MYL12B: variants seen among roughly 807,000 people sequenced by gnomAD.
MYL12B encodes myosin light chain 12B.
A neutral mutation model predicts 12.9 loss-of-function variants in MYL12B; 3 were observed. That is an observed-to-expected ratio of 0.23 (90% confidence interval 0.11 to 0.60). The LOEUF (loss-of-function observed/expected upper bound fraction) is 0.60. Ranked by LOEUF, MYL12B falls within the 20% of genes least tolerant of loss-of-function variation. The probability of loss-of-function intolerance (pLI) is 0.89; values close to 1 mark genes in which losing one functional copy is unlikely to be tolerated. For synonymous variants in MYL12B, 57 were observed against 71.9 expected (o/e 0.79, Z 1.05); for missense variants, 120 against 215.4 (o/e 0.56, Z 2.77).
intron 1 of MYL12B, among the ~76,000 whole-genome samples, chr18:3,271,228 G>A (rs1356517975): frequency 6.6e-6 from 1 of 152,086 alleles, no homozygotes; most frequent in African/African-American, 2.4e-5. Flanking sequence ...TTTAACCTTC[G>A]ATATAACTAA....
chr18:3,277,171 T>C, intron 2 of MYL12B, 82 bp from the exon 3 acceptor site: 1 of 1,335,840 alleles, frequency 7.5e-7, no homozygotes. Flanking sequence ...TTTAAAAATA[T>C]GTTGGGGAGC....
intron 1 of MYL12B, among the ~76,000 whole-genome samples, chr18:3,269,609 G>GT (rs143195658): frequency 1.3e-5 from 2 of 152,324 alleles, no homozygotes; most frequent in Admixed American, 6.5e-5. Flanking sequence ...GCATTTGGAT[G>GT]TTTGAGTCCA....
At chr18:3,268,642 G>A (rs892928962) in intron 1 of MYL12B, among the ~76,000 whole-genome samples, 1 of 152,198 alleles carries the variant, frequency 6.6e-6, no homozygotes, top group Non-Finnish European at 1.5e-5. Context: ...TTTGAATTTA[G>A]AGGATTGTAG....
chr18:3,277,243 A>G lies in MYL12B; in HGVS notation c.185-10A>G, dbSNP rs1436104820. Reference sequence around the variant, plus strand: ...TTTGTCTTTAAATGTTAAAATGTGTATTCTTACAGGGAAGAATCCCACTGA... The same window carrying G: ...TTTGTCTTTAAATGTTAAAATGTGTGTTCTTACAGGGAAGAATCCCACTGA... On this transcript the variant is annotated splice_polypyrimidine_tract_variant and intron_variant, in intron 2 of 3. Transcript: ENST00000237500. 1.5e-5 allele frequency: 24 copies of G among 1,556,610 alleles called. No homozygotes were observed. Among genetic ancestry groups the G allele is most frequent in the Non-Finnish European group, 2.0e-5 (23 of 1,150,132 alleles).
chr18:3,272,436 A>G (rs1464132099), intron 1 of MYL12B, among the ~76,000 whole-genome samples: 2 of 152,250 alleles, frequency 1.3e-5, no homozygotes, highest in Non-Finnish European at 2.9e-5. Flanking sequence ...TAAGTACTCC[A>G]TAGATGCTAG....
At chr18:3,272,779 C>T (rs960582362) in intron 1 of MYL12B, 105 bp from the exon 2 acceptor site, 17 of 1,031,458 alleles carry the variant, frequency 1.6e-5, no homozygotes, top group Non-Finnish European at 2.2e-5. Flanking sequence ...GTAATAATTC[C>T]TTATTGATAT....
chr18:3,272,841 A>T, intron 1 of MYL12B, 43 bp from the exon 2 acceptor site: 1 of 1,480,516 alleles, frequency 6.8e-7, no homozygotes, highest in South Asian at 1.5e-5. Flanking sequence ...TTTGTTTTAT[A>T]CATTGTTTTG....
chr18:3,267,834 T>C (rs564722508), intron 1 of MYL12B, among the ~76,000 whole-genome samples: 3 of 152,354 alleles, frequency 2.0e-5, no homozygotes, highest in African/African-American at 7.2e-5. Context: ...CTCCTGCAGA[T>C]ACTAGAATCT....
At position 3,262,214 on chromosome 18, in the gene MYL12B, C is replaced by T. The variant is rs2081596320; in HGVS notation, c.-39C>T. The T allele has an allele frequency of 6.6e-6, 1 of 152,278 alleles. No homozygotes were observed. Among genetic ancestry groups the T allele is most frequent in the Non-Finnish European group, 1.5e-5 (1 of 68,084 alleles). 9.4% of individuals were successfully genotyped at this position (152,278 alleles called of 1,614,324 possible). A position where few individuals can be genotyped will look rare whatever the true frequency, so the allele number is the denominator to read the frequency against. The stretch of plus-strand genomic sequence containing the variant: ...CGTTTGTGGTCTCGCGCAGGGCGGC[C>T]CCGGTTCTGGTGTTTGGCGTCGGGT... On this transcript the variant is annotated 5_prime_UTR_variant, in exon 1 of 4. Transcript: ENST00000237500.
rs564101093 is a variant in MYL12B at position 3,276,765 on chromosome 18, G to A, written c.185-488G>A. 1.5e-3 allele frequency among the ~76,000 whole-genome samples: 232 copies of A among 152,010 alleles called. 3 individuals are homozygous for A. In the South Asian group the frequency reaches 0.032, roughly 21 times the overall value. On this transcript the variant is annotated intron_variant, in intron 2 of 3. Coordinates refer to ENST00000237500, the MANE Select transcript of MYL12B (RefSeq NM_033546.4). ...AACATTCAGGATGTAGGCCGGGCGCGGTGATGCACGCCTGCAATCCCATCA... is the reference window on the plus strand; with the variant it reads ...AACATTCAGGATGTAGGCCGGGCGCAGTGATGCACGCCTGCAATCCCATCA...
At position 3,276,919 on chromosome 18, in the gene MYL12B, CAAAAAA is replaced by C. The variant is rs10706387; in HGVS notation, c.185-318_185-313del. The C allele has an allele frequency of 1.4e-3, 1,178 of 856,392 alleles. 7 individuals carry two copies. The South Asian group carries it at 0.035, about 26-fold the overall frequency. 53.0% of individuals were successfully genotyped at this position (856,392 alleles called of 1,614,324 possible). ...GGCATGGTGGCACATGCCTATAGTCCAAAAAAAAAAAAAAAAAAAAATTAAGATGTA... is the reference window on the plus strand; with the variant it reads ...GGCATGGTGGCACATGCCTATAGTCCAAAAAAAAAAAAAAATTAAGATGTA... On this transcript the variant is annotated intron_variant, in intron 2 of 3. Coordinates refer to ENST00000237500, the MANE Select transcript of MYL12B (RefSeq NM_033546.4).
intron 1 of MYL12B, among the ~76,000 whole-genome samples, chr18:3,267,039 A>G (rs1203305976): frequency 1.3e-5 from 2 of 152,228 alleles, no homozygotes; most frequent in African/African-American, 4.8e-5. Context: ...TAAACAGCCA[A>G]TGTGATCTAA....
At chr18:3,273,236 G>C (rs1469717809) in intron 2 of MYL12B, among the ~76,000 whole-genome samples, 154 bp downstream of exon 2, 2 of 152,066 alleles carry the variant, frequency 1.3e-5, no homozygotes, top group African/African-American at 4.8e-5. Flanking sequence ...TTGGGGCTTG[G>C]CCAGTCATAT....
intron 1 of MYL12B, among the ~76,000 whole-genome samples, chr18:3,268,053 CTG>C (rs1184775171): frequency 1.3e-5 from 2 of 152,120 alleles, no homozygotes; most frequent in African/African-American, 4.8e-5. Flanking sequence ...TCGGTTGAAT[CTG>C]TGAGTGCGGA....
rs1175031019 is a variant in MYL12B at position 3,278,045 on chromosome 18, T to G, written c.*108T>G. On this transcript the variant is annotated 3_prime_UTR_variant, in exon 4 of 4. Transcript: ENST00000237500. ...GTTGCATGCAACTTAGTTTCACAGCTTTGCCTCTTCTTTTTGATGTATTTA... is the reference window on the plus strand; with the variant it reads ...GTTGCATGCAACTTAGTTTCACAGCGTTGCCTCTTCTTTTTGATGTATTTA... 2.2e-6 allele frequency: 3 copies of G among 1,364,046 alleles called. No individual in the cohort carries two copies. The highest frequency in any genetic ancestry group is 3.0e-6 in the Non-Finnish European group (3 of 1,004,494). 84.5% of individuals were successfully genotyped at this position (1,364,046 alleles called of 1,614,324 possible).
intron 1 of MYL12B, chr18:3,262,951 A>G (rs778416575): frequency 6.6e-6 from 1 of 152,252 alleles, no homozygotes; most frequent in Non-Finnish European, 1.5e-5. Flanking sequence ...AAGAGTCGTG[A>G]CCTCACTGAA....
At chr18:3,276,618 T>C (rs919935704) in intron 2 of MYL12B, 2 of 934,766 alleles carry the variant, frequency 2.1e-6, no homozygotes, top group East Asian at 1.2e-4. Flanking sequence ...GGCCAACTTA[T>C]AAATACAACT....
intron 1 of MYL12B, among the ~76,000 whole-genome samples, chr18:3,267,719 C>T (rs183995244): frequency 1.3e-5 from 2 of 152,078 alleles, no homozygotes; most frequent in Non-Finnish European, 2.9e-5. Context: ...TAATCTCTTA[C>T]TGTGCTTAAT....
At chr18:3,270,292 A>T (rs1337620160) in intron 1 of MYL12B, among the ~76,000 whole-genome samples, 1 of 152,226 alleles carries the variant, frequency 6.6e-6, no homozygotes, top group African/African-American at 2.4e-5. Context: ...CCATATACGT[A>T]TACAAATGTA....
Sources: gnomAD v4.1 joint callset for allele counts (sites outside exome capture counted in the v4.1 genomes callset) on GRCh38, gnomAD v4.1.1 for gene constraint, MANE v1.5 for transcripts, NCBI Gene and HGNC (gene_info 2026-07-23, HGNC 2026-07-21) for gene names.